The following ITGA9 variants were observed in gnomAD, a reference collection of about 807,000 sequenced individuals.
The protein encoded by ITGA9 is integrin subunit alpha 9.
ITGA9 carries 56 observed loss-of-function variants against 127.8 expected under a neutral mutation model. The observed-to-expected ratio is 0.44, with a 90% CI of 0.35 to 0.55. The LOEUF (loss-of-function observed/expected upper bound fraction) is 0.55. ITGA9 is among the 20% of genes least tolerant of loss of function. The pLI is 0.00. For synonymous variants in ITGA9, 508 were observed against 514.5 expected (o/e 0.99, Z 0.17); for missense variants, 1,196 against 1,347.1 (o/e 0.89, Z 1.76).
intron 16 of ITGA9, among the ~76,000 whole-genome samples, chr3:37,645,120 G>A (rs1700364776): frequency 6.6e-6 from 1 of 152,130 alleles, no homozygotes; most frequent in African/African-American, 2.4e-5. Flanking sequence ...CTAGGTGCTG[G>A]GGGTTATAAA....
chr3:37,697,307 GTTATTATTA>G (rs143332603), intron 18 of ITGA9, among the ~76,000 whole-genome samples: 19,733 of 143,504 alleles, frequency 0.14, 1,419 homozygotes, highest in South Asian at 0.18. Context: ...GACTACTTCT[GTTATTATTA>G]TTATTATTAT....
chr3:37,646,405 C>G (rs1378706764), intron 16 of ITGA9, among the ~76,000 whole-genome samples: 1 of 152,210 alleles, frequency 6.6e-6, no homozygotes, highest in Non-Finnish European at 1.5e-5. Context: ...TCAAAGACAA[C>G]TGTATTCTCC....
Position 37,567,042 on chromosome 3 carries a change from T to G in ITGA9, c.1689+24457T>G, listed in dbSNP as rs138837809. Among the ~76,000 whole-genome samples the G allele has an allele frequency of 2.3e-3, 348 of 152,308 alleles. 1 individual carries two copies. Among genetic ancestry groups the G allele is most frequent in the African/African-American group, 7.9e-3 (329 of 41,558 alleles). On this transcript the variant is annotated intron_variant, in intron 15 of 27. Coordinates refer to ENST00000264741, the MANE Select transcript of ITGA9 (RefSeq NM_002207.3). Reference sequence around the variant, plus strand: ...AGAAAAGGGGCTGGAGTCTGCTAGATTAATGAAGATTTGGGATGTGTAGTC... The same window carrying G: ...AGAAAAGGGGCTGGAGTCTGCTAGAGTAATGAAGATTTGGGATGTGTAGTC...
Position 37,705,154 on chromosome 3 carries a change from A to G in ITGA9, c.2067+21139A>G, listed in dbSNP as rs117632570. 6.6e-4 allele frequency among the ~76,000 whole-genome samples: 101 copies of G among 152,312 alleles called. No individual in the cohort carries two copies. The East Asian group carries it at 0.014, about 21-fold the overall frequency. On this transcript the variant is annotated intron_variant, in intron 18 of 27. Coordinates refer to ENST00000264741, the MANE Select transcript of ITGA9 (RefSeq NM_002207.3). ...ATGGCATTCACTCTTTCATTCAGCA[A>G]AGTTATGTGTTAACAGGTATTAAGT...
intron 15 of ITGA9, among the ~76,000 whole-genome samples, chr3:37,557,422 C>A (rs957877890): frequency 2.0e-5 from 3 of 152,182 alleles, no homozygotes; most frequent in Non-Finnish European, 4.4e-5. Context: ...TAGGGAAGCG[C>A]CCAGGCTGAG....
At chr3:37,502,647 C>T (rs1199926086) in intron 5 of ITGA9, among the ~76,000 whole-genome samples, 1 of 152,156 alleles carries the variant, frequency 6.6e-6, no homozygotes, top group Non-Finnish European at 1.5e-5. Context: ...CTGTAATGAT[C>T]GGAAAACCAT....
At chr3:37,681,659 C>T (rs1255592499) in intron 17 of ITGA9, among the ~76,000 whole-genome samples, 5 of 152,106 alleles carry the variant, frequency 3.3e-5, no homozygotes, top group African/African-American at 9.7e-5. Flanking sequence ...ACTGGTTATC[C>T]GATTAAAACT....
intron 16 of ITGA9, among the ~76,000 whole-genome samples, chr3:37,644,396 A>G (rs1201252730): frequency 1.3e-5 from 2 of 152,178 alleles, no homozygotes; most frequent in African/African-American, 2.4e-5. Context: ...ATGTGTCCAC[A>G]TAGAAGCAGA....
chr3:37,670,895 T>G (rs1700631188), intron 17 of ITGA9, among the ~76,000 whole-genome samples: 1 of 152,256 alleles, frequency 6.6e-6, no homozygotes, highest in Non-Finnish European at 1.5e-5. Context: ...CATGACAGAA[T>G]TACTTGTCAA....
intron 15 of ITGA9, among the ~76,000 whole-genome samples, chr3:37,582,563 G>T (rs924932890): frequency 6.6e-6 from 1 of 152,238 alleles, no homozygotes; most frequent in Non-Finnish European, 1.5e-5. Flanking sequence ...TGACTGCCTA[G>T]GTGGCAGGAT....
chr3:37,715,814 C>G (rs1470272439), intron 18 of ITGA9, among the ~76,000 whole-genome samples: 2 of 152,206 alleles, frequency 1.3e-5, no homozygotes, highest in Non-Finnish European at 2.9e-5. Context: ...ACTGGCATCT[C>G]TATACCAGAA....
intron 15 of ITGA9, among the ~76,000 whole-genome samples, chr3:37,586,994 C>G (rs1044453038): frequency 1.3e-5 from 2 of 152,308 alleles, no homozygotes; most frequent in South Asian, 2.1e-4. Context: ...AGCTGTGATG[C>G]CCACATGTTT....
intron 18 of ITGA9, among the ~76,000 whole-genome samples, chr3:37,689,273 T>C (rs1007471726): frequency 5.3e-5 from 8 of 152,256 alleles, no homozygotes; most frequent in Non-Finnish European, 1.0e-4. Flanking sequence ...TTCTGGATTA[T>C]TTTTTCCTTT....
chr3:37,753,261 G>A (rs542875064), intron 23 of ITGA9, among the ~76,000 whole-genome samples: 94 of 152,296 alleles, frequency 6.2e-4, no homozygotes, highest in South Asian at 1.5e-3. Context: ...CCTATTACGT[G>A]CCAGGCTCCA....
At chr3:37,481,335 C>T (rs1005544606) in intron 3 of ITGA9, 149 bp from the exon 4 acceptor site, 6 of 1,004,376 alleles carry the variant, frequency 6.0e-6, no homozygotes, top group East Asian at 2.4e-5. Context: ...TTCTGATGCC[C>T]AGAAAAGTGC....
intron 1 of ITGA9, among the ~76,000 whole-genome samples, chr3:37,457,502 C>T (rs1472907491): frequency 6.6e-6 from 1 of 152,184 alleles, no homozygotes; most frequent in African/African-American, 2.4e-5. Flanking sequence ...GGGAGCCCTG[C>T]CTTCTCATAA....
intron 18 of ITGA9, among the ~76,000 whole-genome samples, chr3:37,704,854 A>G (rs1216529748): frequency 1.3e-5 from 2 of 152,244 alleles, no homozygotes. Context: ...GCTGGGTTGT[A>G]GAACATCTGT....
intron 15 of ITGA9, among the ~76,000 whole-genome samples, chr3:37,570,700 C>A (rs1389697587): frequency 1.3e-5 from 2 of 152,090 alleles, no homozygotes; most frequent in African/African-American, 4.8e-5. Context: ...TATTTTAATC[C>A]TTTTTCTTTT....
At chr3:37,738,994 C>G (rs1349017955) in intron 20 of ITGA9, among the ~76,000 whole-genome samples, 2 of 152,168 alleles carry the variant, frequency 1.3e-5, no homozygotes, top group African/African-American at 4.8e-5. Context: ...CCCCAGAGAC[C>G]CTGACCCTGC....
Sources: gnomAD v4.1 joint callset for allele counts (sites outside exome capture counted in the v4.1 genomes callset) on GRCh38, gnomAD v4.1.1 for gene constraint, MANE v1.5 for transcripts, NCBI Gene and HGNC (gene_info 2026-07-23, HGNC 2026-07-21) for gene names.